Variants in PPFIBP2 observed in about 807,000 individuals in gnomAD.
PPFIBP2 encodes PPFIB scaffold protein 2, also known as liprin-beta-2.
PPFIBP2 carries 118 observed loss-of-function variants against 118.3 expected under a neutral mutation model. That is an observed-to-expected ratio of 1.00 (90% CI 0.86 to 1.16). The LOEUF (loss-of-function observed/expected upper bound fraction) is 1.16, where lower values mean the gene tolerates loss of function less well. PPFIBP2 is among the 50% of genes most tolerant of loss of function. The pLI, the probability that PPFIBP2 is intolerant of heterozygous loss-of-function variation, is 0.00. For synonymous variants in PPFIBP2, 414 were observed against 397.4 expected, an observed-to-expected ratio of 1.04 and a Z score of -0.50; for missense variants, 1,195 against 1,073.1, an observed-to-expected ratio of 1.11 and a Z score of -1.59.
At chr11:7,597,487 C>T in intron 4 of PPFIBP2, 73 bp from the exon 5 acceptor site, 1 of 1,539,882 alleles carries the variant, frequency 6.5e-7, no homozygotes, top group Non-Finnish European at 8.8e-7. Context: ...TAACGGCTCC[C>T]CTGAGGTGGG....
intron 1 of PPFIBP2, among the ~76,000 whole-genome samples, chr11:7,521,241 T>C (rs1216743799): frequency 5.9e-5 from 9 of 152,234 alleles, no homozygotes; most frequent in Admixed American, 5.9e-4. Context: ...CCCTGTTCTA[T>C]GTTGCATAGT....
intron 3 of PPFIBP2, among the ~76,000 whole-genome samples, chr11:7,578,762 A>C (rs925000838): frequency 1.3e-5 from 2 of 152,154 alleles, no homozygotes; most frequent in Non-Finnish European, 2.9e-5. Flanking sequence ...CTTCGCTGAA[A>C]ACTGAAAGAG....
chr11:7,604,749 G>A (rs992243252), intron 5 of PPFIBP2, among the ~76,000 whole-genome samples: 8 of 152,220 alleles, frequency 5.3e-5, no homozygotes, highest in Non-Finnish European at 1.0e-4. Context: ...GTGAGGGAGA[G>A]ATTAAATGCC....
intron 6 of PPFIBP2, among the ~76,000 whole-genome samples, chr11:7,614,783 T>C (rs1189110077): frequency 6.6e-6 from 1 of 152,170 alleles, no homozygotes; most frequent in African/African-American, 2.4e-5. Context: ...TAAGATGGAA[T>C]TGGAAACAAC....
the PPFIBP2 span, chr11:7,666,339 C>G: frequency 4.3e-6 from 3 of 705,624 alleles, no homozygotes; most frequent in African/African-American, 5.3e-5. Context: ...CAGGCTTAAC[C>G]CCCACATCTG....
chr11:7,594,109 A>G (rs1859847282), intron 4 of PPFIBP2, among the ~76,000 whole-genome samples: 1 of 152,174 alleles, frequency 6.6e-6, no homozygotes. Context: ...TTGGAGCACT[A>G]AGGTTATGAG....
In PPFIBP2 at chr11:7,610,400, A is replaced by G. The variant is rs1484201225; in HGVS notation, c.596A>G (p.Glu199Gly). Residue 199 changes from glutamate to glycine, a missense_variant, in exon 6 of 24, where the codon GAG becomes GGG. Transcript: ENST00000299492. ...ATGGAGAAGGAGCAGAGAGAGCAGG[A>G]GGAGAAGCAGAGAAAAGCAGAGGTA... is the stretch of plus-strand genomic sequence containing the variant. The part of the protein sequence containing the change: ...VGMEKEQREQ[E>G]EKQRKAEELL... 6.2e-7 allele frequency: 1 copy of G among 1,614,038 alleles called. No individual in the cohort carries two copies. Among genetic ancestry groups the G allele is most frequent in the Admixed American group, 1.7e-5 (1 of 60,028 alleles).
Position 7,620,921 on chromosome 11 carries a change from C to T in PPFIBP2, c.619-14C>T. On this transcript the variant is annotated splice_polypyrimidine_tract_variant and intron_variant, in intron 6 of 23. Transcript: ENST00000299492. ...TTAACCATCAGAACTTTGTCTTTCT[C>T]CCTCATCCCCTAGGAGTTACTGCAA... 1.3e-6 allele frequency: 2 copies of T among 1,575,606 alleles called. No homozygotes were observed. The highest frequency in any genetic ancestry group is 1.1e-5 in the South Asian group (1 of 90,268).
intron 8 of PPFIBP2, among the ~76,000 whole-genome samples, chr11:7,626,386 C>T (rs1363790143): frequency 1.3e-5 from 2 of 152,156 alleles, no homozygotes; most frequent in Non-Finnish European, 1.5e-5. Context: ...TCAGAAAGAC[C>T]TTTCTTGGCC....
At chr11:7,665,407 CA>C in the PPFIBP2 span, 1 of 1,603,328 alleles carries the variant, frequency 6.2e-7, no homozygotes, top group Non-Finnish European at 8.5e-7. Context: ...GGGTATAACC[CA>C]GCTTCTCCAG....
intron 3 of PPFIBP2, among the ~76,000 whole-genome samples, chr11:7,580,437 G>T (rs989516791): frequency 2.0e-5 from 3 of 152,244 alleles, no homozygotes; most frequent in Admixed American, 2.0e-4. Flanking sequence ...TCTGGAAGAA[G>T]AGGTTCCTGG....
At chr11:7,530,313 A>C (rs939293072) in intron 1 of PPFIBP2, among the ~76,000 whole-genome samples, 1 of 149,270 alleles carries the variant, frequency 6.7e-6, no homozygotes. Context: ...AAACGAATCC[A>C]GCTCATAAGT....
chr11:7,543,939 GTCA>G (rs1852033889), intron 1 of PPFIBP2, among the ~76,000 whole-genome samples: 1 of 152,192 alleles, frequency 6.6e-6, no homozygotes, highest in Non-Finnish European at 1.5e-5. Flanking sequence ...GCTGTGGCAT[GTCA>G]TCATACCTTG....
Position 7,631,000 on chromosome 11 carries a change from A to G in PPFIBP2, c.1040A>G (p.Lys347Arg), listed in dbSNP as rs759414586. Residue 347 changes from lysine (K) to arginine (R), a missense_variant, in exon 11 of 24, where the codon AAG becomes AGG. Physicochemically the swap from Lys to Arg is conservative, Grantham distance 26 (BLOSUM62 2). Transcript: ENST00000299492. ...TTCAGCAAGTGGAACGCTACAAATA[A>G]GGACCCTGAAGAATTATTTAAACAA... Reference protein sequence around the residue: ...GGFSKWNATNKDPEELFKQEM... With the variant: ...GGFSKWNATNRDPEELFKQEM... 2 of 1,613,740 alleles carry G rather than the reference A, an allele frequency of 1.2e-6. No homozygotes were observed. The highest frequency in any genetic ancestry group is 1.7e-6 in the Non-Finnish European group (2 of 1,179,712).
At chr11:7,612,781 A>G (rs1848216301) in intron 6 of PPFIBP2, among the ~76,000 whole-genome samples, 1 of 152,252 alleles carries the variant, frequency 6.6e-6, no homozygotes, top group Non-Finnish European at 1.5e-5. Flanking sequence ...GAGCAGCCAC[A>G]TGGCCTGAAA....
chr11:7,665,515 G>A, the PPFIBP2 span: 56 of 1,612,342 alleles, frequency 3.5e-5, no homozygotes, highest in Middle Eastern at 1.7e-4. Flanking sequence ...TGATCATGTC[G>A]GCAGTAACGA....
chr11:7,665,707 A>G, the PPFIBP2 span: 1 of 1,142,512 alleles, frequency 8.8e-7, no homozygotes, highest in Non-Finnish European at 1.2e-6. Flanking sequence ...CCTCAGAACT[A>G]GTAAACAGCC....
At chr11:7,664,657 G>T in the PPFIBP2 span, among the ~76,000 whole-genome samples, 1 of 152,086 alleles carries the variant, frequency 6.6e-6, no homozygotes, top group African/African-American at 2.4e-5. Context: ...TGATAAAGTC[G>T]GCAGGAGCAA....
chr11:7,597,742 C>T (rs1407570871), intron 5 of PPFIBP2, 69 bp downstream of exon 5: 6 of 1,257,612 alleles, frequency 4.8e-6, no homozygotes, highest in Admixed American at 1.8e-5. Context: ...CTTTGTGTGC[C>T]CAGGCTACAG....
Sources: gnomAD v4.1 joint callset for allele counts (sites outside exome capture counted in the v4.1 genomes callset) on GRCh38, gnomAD v4.1.1 for gene constraint, MANE v1.5 for transcripts, NCBI Gene and HGNC (gene_info 2026-07-23, HGNC 2026-07-21) for gene names.